Variants in RAB33B observed in about 807,000 individuals in gnomAD.
The protein encoded by RAB33B is RAB33B, member RAS oncogene family.
Under a neutral mutation model 15.0 loss-of-function variants are expected in RAB33B, and 6 were observed. The observed-to-expected ratio is 0.40, with a 90% CI of 0.22 to 0.79. The LOEUF is 0.79. Among genes scored for constraint, RAB33B ranks in the 30% least tolerant of loss-of-function variants. RAB33B has a pLI of 0.37. For synonymous variants in RAB33B, 117 were observed against 108.3 expected (o/e 1.08, Z -0.50); for missense variants, 257 against 296.4 (o/e 0.87, Z 0.98).
At chr4:139,464,751 G>A (rs985752759) in intron 1 of RAB33B, among the ~76,000 whole-genome samples, 3 of 152,148 alleles carry the variant, frequency 2.0e-5, no homozygotes, top group Admixed American at 6.5e-5. Flanking sequence ...GTATTCCATG[G>A]TGTATATGTG....
intron 1 of RAB33B, among the ~76,000 whole-genome samples, chr4:139,455,816 T>G (rs1312352830): frequency 1.3e-5 from 2 of 152,210 alleles, no homozygotes; most frequent in African/African-American, 2.4e-5. Flanking sequence ...AGCAGGAATC[T>G]GGGAAGTACG....
At chr4:139,472,419 T>C (rs1213131158) in intron 1 of RAB33B, among the ~76,000 whole-genome samples, 2 of 152,238 alleles carry the variant, frequency 1.3e-5, no homozygotes, top group African/African-American at 4.8e-5. Flanking sequence ...TTGAGGTAAA[T>C]TTTATTTAAA....
chr4:139,461,763 T>G (rs1750175211), intron 1 of RAB33B, among the ~76,000 whole-genome samples: 1 of 152,050 alleles, frequency 6.6e-6, no homozygotes, highest in Non-Finnish European at 1.5e-5. Flanking sequence ...ATTCTGTAAT[T>G]AAATCCTTTA....
upstream of RAB33B, chr4:139,451,479 A>G (rs1302397587): frequency 1.4e-5 from 2 of 146,896 alleles, no homozygotes; most frequent in African/African-American, 5.1e-5. Flanking sequence ...GGTTCAAGCG[A>G]TTCTCCCACC....
chr4:139,465,329 T>C (rs1321151729), intron 1 of RAB33B, among the ~76,000 whole-genome samples: 7 of 152,230 alleles, frequency 4.6e-5, no homozygotes, highest in Non-Finnish European at 1.0e-4. Flanking sequence ...TTTTCTCTCA[T>C]TCTGTAGGTT....
intron 1 of RAB33B, among the ~76,000 whole-genome samples, chr4:139,455,510 G>A (rs892882950): frequency 6.6e-6 from 1 of 152,018 alleles, no homozygotes; most frequent in African/African-American, 2.4e-5. Flanking sequence ...CCACCCCAAC[G>A]GGTTATACTG....
In RAB33B at chr4:139,474,799, A is replaced by T. The variant is rs1443994295; in HGVS notation, c.*1673A>T. 6.6e-6 allele frequency: 1 copy of T among 152,636 alleles called. No individual in the cohort carries two copies. Among genetic ancestry groups the T allele is most frequent in the Non-Finnish European group, 1.5e-5 (1 of 68,010 alleles). The allele number at this position is 152,636 out of a possible 1,614,324, so 9.5% of individuals were successfully genotyped here. A position where few individuals can be genotyped will look rare whatever the true frequency, so the allele number is the denominator to read the frequency against. On this transcript the variant is annotated 3_prime_UTR_variant, in exon 2 of 2. Transcript: ENST00000305626. ...TTACGTAAATGGAATGTAAGCCATG[A>T]CTTTAACTGAAGTGTTCACATTCAC...
upstream of RAB33B, chr4:139,450,810 C>T (rs1242077903): frequency 6.6e-6 from 1 of 151,598 alleles, no homozygotes; most frequent in Non-Finnish European, 1.5e-5. Context: ...GCACTGTCAT[C>T]AGGAGGTGGC....
chr4:139,462,687 A>G (rs1268057205), intron 1 of RAB33B, among the ~76,000 whole-genome samples: 99 of 152,322 alleles, frequency 6.5e-4, no homozygotes, highest in Non-Finnish European at 2.9e-5. Flanking sequence ...TACAGAATCA[A>G]ATGGCAAATC....
the RAB33B span, among the ~76,000 whole-genome samples, chr4:139,444,872 A>G: frequency 6.6e-6 from 1 of 152,204 alleles, no homozygotes; most frequent in East Asian, 1.9e-4. Flanking sequence ...GCCAAATGGA[A>G]GCCATTAGAG....
At chr4:139,461,229 A>G (rs1163733433) in intron 1 of RAB33B, among the ~76,000 whole-genome samples, 1 of 152,204 alleles carries the variant, frequency 6.6e-6, no homozygotes, top group South Asian at 2.1e-4. Flanking sequence ...GACGTAGGTC[A>G]CATGCCCTCC....
intron 1 of RAB33B, among the ~76,000 whole-genome samples, chr4:139,463,133 C>T (rs762225444): frequency 2.0e-5 from 3 of 152,122 alleles, no homozygotes; most frequent in Non-Finnish European, 4.4e-5. Flanking sequence ...GCCACTGTAC[C>T]CCAACCTGGC....
intron 1 of RAB33B, among the ~76,000 whole-genome samples, chr4:139,459,364 A>G (rs1750126280): frequency 6.6e-6 from 1 of 152,050 alleles, no homozygotes; most frequent in South Asian, 2.1e-4. Flanking sequence ...TGAGCCCAGG[A>G]GTTGGAGGCT....
chr4:139,442,603 A>G, the RAB33B span, among the ~76,000 whole-genome samples: 173 of 152,284 alleles, frequency 1.1e-3, no homozygotes, highest in Admixed American at 2.9e-3. Flanking sequence ...TGAAAAGATT[A>G]GACTGGCTTA....
At chr4:139,459,062 A>C (rs1408591957) in intron 1 of RAB33B, among the ~76,000 whole-genome samples, 1 of 151,786 alleles carries the variant, frequency 6.6e-6, no homozygotes, top group Non-Finnish European at 1.5e-5. Context: ...CTTCTTTTGA[A>C]ATGTGTCTGT....
At chr4:139,468,322 CT>C (rs1196392593) in intron 1 of RAB33B, among the ~76,000 whole-genome samples, 1 of 152,196 alleles carries the variant, frequency 6.6e-6, no homozygotes, top group African/African-American at 2.4e-5. Context: ...CACAGGGTCC[CT>C]CCCACAACAC....
chr4:139,471,174 A>G (rs1250745345), intron 1 of RAB33B, among the ~76,000 whole-genome samples: 2 of 152,136 alleles, frequency 1.3e-5, no homozygotes, highest in Non-Finnish European at 2.9e-5. Context: ...TTGGAGACAC[A>G]GAGGGCAAGG....
At chr4:139,471,344 T>C (rs1242383417) in intron 1 of RAB33B, among the ~76,000 whole-genome samples, 1 of 152,166 alleles carries the variant, frequency 6.6e-6, no homozygotes, top group Non-Finnish European at 1.5e-5. Context: ...TCATTTGCTG[T>C]GTTCTCCTTT....
At chr4:139,448,487 T>G (rs1165145359), upstream of RAB33B, 1 of 152,240 alleles carries the variant, frequency 6.6e-6, no homozygotes, top group Non-Finnish European at 1.5e-5. Context: ...CAGTCTGGAG[T>G]GCAGTGGCAG....
Sources: allele counts gnomAD v4.1 joint callset (sites outside exome capture counted in the v4.1 genomes callset), GRCh38; gene constraint gnomAD v4.1.1; transcripts MANE v1.5; gene names NCBI Gene and HGNC (gene_info 2026-07-23, HGNC 2026-07-21).